Variants in BPIFC observed in about 807,000 individuals in gnomAD.
BPIFC encodes the protein BPI fold-containing family C protein.
In BPIFC, 60 loss-of-function variants were observed where a neutral mutation model predicts 57.6. The ratio of observed to expected loss-of-function variants is 1.04; its 90% CI spans 0.85 to 1.29. The LOEUF (loss-of-function observed/expected upper bound fraction) is 1.29. Among genes scored for constraint, BPIFC ranks in the 50% most tolerant of loss-of-function variants. The probability of loss-of-function intolerance (pLI) is 0.00; values close to 1 mark genes in which losing one functional copy is unlikely to be tolerated. For synonymous variants in BPIFC, 243 were observed against 224.5 expected, an observed-to-expected ratio of 1.08 and a Z score of -0.74; for missense variants, 581 against 600.5, an observed-to-expected ratio of 0.97 and a Z score of 0.34.
At chr22:32,422,054 T>C (rs1933862617) in intron 13 of BPIFC, among the ~76,000 whole-genome samples, 1 of 152,098 alleles carries the variant, frequency 6.6e-6, no homozygotes, top group South Asian at 2.1e-4. Context: ...AGCAGGGCGA[T>C]GCGAGAGGCA....
chr22:32,453,258 A>T (rs1934942422), intron 4 of BPIFC, 125 bp downstream of exon 4: 1 of 690,890 alleles, frequency 1.4e-6, no homozygotes. Flanking sequence ...ACCAGAGCTA[A>T]GGACAGCAGA....
In BPIFC at chr22:32,445,845, G is replaced by A. The variant is rs1403176116; in HGVS notation, c.526C>T (p.Leu176Phe). ...SHAHVSFSGE[L>F]SVLYNSFAEP... ...CAACCCAGGGCTCTCATTCACCTGAGTTCTCCGGAAAATGAGACGTGGGCA... is the reference window on the plus strand; with the variant it reads ...CAACCCAGGGCTCTCATTCACCTGAATTCTCCGGAAAATGAGACGTGGGCA... The change falls in exon 6 of 17, where the codon CTC (leucine) becomes TTC (phenylalanine). Residue 176 changes from leucine (L) to phenylalanine (F), a missense_variant. Transcript: ENST00000300399. The A allele has an allele frequency of 9.3e-6, 15 of 1,613,904 alleles. No individual in the cohort carries two copies. In the East Asian group the frequency reaches 3.3e-4, roughly 36 times the overall value.
intron 13 of BPIFC, among the ~76,000 whole-genome samples, chr22:32,420,465 T>TTA (rs1210745258): frequency 6.6e-6 from 1 of 152,116 alleles, no homozygotes; most frequent in Non-Finnish European, 1.5e-5. Context: ...GCCACATCAC[T>TTA]CACACCATTT....
chr22:32,421,352 C>T (rs1405723028), intron 13 of BPIFC, among the ~76,000 whole-genome samples: 3 of 152,286 alleles, frequency 2.0e-5, no homozygotes, highest in African/African-American at 4.8e-5. Flanking sequence ...GAAATATTAA[C>T]GGCAGATTTG....
At chr22:32,450,090 GCATACACACACACA>G (rs1934850177) in intron 4 of BPIFC, among the ~76,000 whole-genome samples, 2 of 102,086 alleles carry the variant, frequency 2.0e-5, no homozygotes, top group Non-Finnish European at 3.9e-5. Context: ...GGGTCAAAGA[GCATACACACACACA>G]CACACACACA....
chr22:32,445,222 A>T (rs1014746161), intron 7 of BPIFC, among the ~76,000 whole-genome samples: 9 of 152,190 alleles, frequency 5.9e-5, no homozygotes, highest in African/African-American at 2.2e-4. Flanking sequence ...GATGCTCAAT[A>T]AAGGTTTCTT....
chr22:32,444,259 C>T (rs1252763877), intron 7 of BPIFC, among the ~76,000 whole-genome samples: 1 of 152,152 alleles, frequency 6.6e-6, no homozygotes, highest in Non-Finnish European at 1.5e-5. Flanking sequence ...CTAATATGCA[C>T]ACTCATTGGC....
chr22:32,421,408 T>C (rs990467131), intron 13 of BPIFC, among the ~76,000 whole-genome samples: 1 of 152,156 alleles, frequency 6.6e-6, no homozygotes, highest in Non-Finnish European at 1.5e-5. Context: ...AGCTCTCTTT[T>C]TCGTATCTTG....
In BPIFC at chr22:32,446,006, G is replaced by A; in HGVS notation, c.375-10C>T. ...CCCTCCTGTGTCTTGGCTGTTTAAAGAAGTGCAAGGTTATCCAAGCCTGAG... is the reference window on the plus strand; with the variant it reads ...CCCTCCTGTGTCTTGGCTGTTTAAAAAAGTGCAAGGTTATCCAAGCCTGAG... On this transcript the variant is annotated splice_polypyrimidine_tract_variant and intron_variant, in intron 5 of 16. Transcript: ENST00000300399. 6.2e-7 allele frequency: 1 copy of A among 1,613,702 alleles called. No homozygotes were observed. The highest frequency in any genetic ancestry group is 8.5e-7 in the Non-Finnish European group (1 of 1,179,786).
chr22:32,419,311 A>G, intron 14 of BPIFC, 51 bp downstream of exon 14: 1 of 1,546,530 alleles, frequency 6.5e-7, no homozygotes, highest in Non-Finnish European at 8.9e-7. Flanking sequence ...ATATAGTAGG[A>G]GAATCCTCGT....
chr22:32,456,827 T>C (rs1423730815), intron 3 of BPIFC, among the ~76,000 whole-genome samples: 4 of 152,188 alleles, frequency 2.6e-5, no homozygotes, highest in Non-Finnish European at 4.4e-5. Context: ...CCAATAAATA[T>C]GAAGGAGCCT....
intron 8 of BPIFC, among the ~76,000 whole-genome samples, chr22:32,440,114 C>T (rs1934523028): frequency 6.6e-6 from 1 of 152,112 alleles, no homozygotes; most frequent in Non-Finnish European, 1.5e-5. Flanking sequence ...TTTCATCCAT[C>T]TGCATCCATT....
At chr22:32,459,618 A>G (rs921256244) in intron 2 of BPIFC, among the ~76,000 whole-genome samples, 1 of 152,046 alleles carries the variant, frequency 6.6e-6, no homozygotes, top group Non-Finnish European at 1.5e-5. Context: ...AGCCGAGATC[A>G]TGCCACTGCA....
chr22:32,433,472 G>A (rs1335003529), intron 11 of BPIFC, among the ~76,000 whole-genome samples: 3 of 152,156 alleles, frequency 2.0e-5, no homozygotes, highest in Non-Finnish European at 4.4e-5. Flanking sequence ...TTTCAAGTAT[G>A]ATGGAATATT....
At chr22:32,430,229 A>G (rs752801898) in intron 13 of BPIFC, among the ~76,000 whole-genome samples, 1 of 152,146 alleles carries the variant, frequency 6.6e-6, no homozygotes, top group Non-Finnish European at 1.5e-5. Flanking sequence ...CTTAGGCATG[A>G]TCCAGTTCAA....
At chr22:32,437,183 G>A (rs1027003848) in intron 9 of BPIFC, among the ~76,000 whole-genome samples, 3 of 152,118 alleles carry the variant, frequency 2.0e-5, no homozygotes, top group East Asian at 3.9e-4. Context: ...CCTACTCCTA[G>A]GGGCAAAGAC....
chr22:32,426,074 G>A (rs1364351387), intron 13 of BPIFC, among the ~76,000 whole-genome samples: 2 of 152,158 alleles, frequency 1.3e-5, no homozygotes, highest in Non-Finnish European at 2.9e-5. Context: ...ACCAACACGG[G>A]GTTTGTCTCT....
At chr22:32,421,779 CATT>C (rs1164671005) in intron 13 of BPIFC, among the ~76,000 whole-genome samples, 1 of 152,192 alleles carries the variant, frequency 6.6e-6, no homozygotes, top group Non-Finnish European at 1.5e-5. Flanking sequence ...GGGTGGCAAT[CATT>C]AATCAAATCA....
chr22:32,427,265 T>C (rs1378673267), intron 13 of BPIFC, among the ~76,000 whole-genome samples: 1 of 152,220 alleles, frequency 6.6e-6, no homozygotes, highest in Non-Finnish European at 1.5e-5. Context: ...ACTAGTATTA[T>C]AGAAACATTA....
Sources: gnomAD v4.1 joint callset for allele counts (sites outside exome capture counted in the v4.1 genomes callset) on GRCh38, gnomAD v4.1.1 for gene constraint, MANE v1.5 for transcripts, NCBI Gene and HGNC (gene_info 2026-07-23, HGNC 2026-07-21) for gene names.